L3MBTL4: variants seen among roughly 807,000 people sequenced by gnomAD.
The protein encoded by L3MBTL4 is lethal(3)malignant brain tumor-like protein 4.
Under a neutral mutation model 84.5 loss-of-function variants are expected in L3MBTL4, and 70 were observed. The ratio of observed to expected loss-of-function variants is 0.83; its 90% confidence interval spans 0.68 to 1.01. The LOEUF is 1.01. L3MBTL4 is among the 50% of genes least tolerant of loss of function. The pLI is 0.00. For synonymous variants in L3MBTL4, 274 were observed against 259.8 expected, an observed-to-expected ratio of 1.05 and a Z score of -0.52; for missense variants, 715 against 754.8, an observed-to-expected ratio of 0.95 and a Z score of 0.62.
chr18:6,347,811 T>G (rs560271543), intron 1 of L3MBTL4, among the ~76,000 whole-genome samples: 3 of 151,826 alleles, frequency 2.0e-5, no homozygotes, highest in African/African-American at 7.2e-5. Flanking sequence ...ATGTCCTAAC[T>G]AGTGTAATGA....
chr18:6,338,566 T>TA (rs916072388), intron 1 of L3MBTL4, among the ~76,000 whole-genome samples: 14 of 151,650 alleles, frequency 9.2e-5, no homozygotes, highest in African/African-American at 1.9e-4. Context: ...CAAAGGCCAG[T>TA]AAAAAAATAG....
intron 14 of L3MBTL4, among the ~76,000 whole-genome samples, chr18:6,112,169 A>G (rs192203778): frequency 6.6e-6 from 1 of 152,336 alleles, no homozygotes; most frequent in Non-Finnish European, 1.5e-5. Flanking sequence ...CTGCAAACGC[A>G]CACACACACG....
intron 12 of L3MBTL4, among the ~76,000 whole-genome samples, chr18:6,178,323 A>C (rs2044316665): frequency 1.3e-5 from 2 of 152,196 alleles, no homozygotes; most frequent in Non-Finnish European, 2.9e-5. Flanking sequence ...ATTTATAATC[A>C]AAATCTGTGC....
At chr18:6,158,979 C>T (rs944213880) in intron 13 of L3MBTL4, among the ~76,000 whole-genome samples, 1 of 152,174 alleles carries the variant, frequency 6.6e-6, no homozygotes, top group African/African-American at 2.4e-5. Flanking sequence ...AGGGATGTCT[C>T]TTTATGAAAA....
intron 1 of L3MBTL4, among the ~76,000 whole-genome samples, chr18:6,392,136 A>G (rs1011808561): frequency 2.0e-5 from 3 of 152,238 alleles, no homozygotes; most frequent in African/African-American, 7.2e-5. Flanking sequence ...ACAGCATGGT[A>G]CTGGTATAAA....
chr18:6,282,959 C>A (rs1156531020), intron 4 of L3MBTL4, among the ~76,000 whole-genome samples: 1 of 152,174 alleles, frequency 6.6e-6, no homozygotes, highest in Non-Finnish European at 1.5e-5. Context: ...CTCCAGGCAG[C>A]CCCTGAGGTC....
At chr18:6,237,133 G>A (rs911891008) in intron 10 of L3MBTL4, among the ~76,000 whole-genome samples, 3 of 152,004 alleles carry the variant, frequency 2.0e-5, no homozygotes, top group African/African-American at 7.2e-5. Flanking sequence ...TTTCTGTAAT[G>A]AAAAAAATAA....
intron 10 of L3MBTL4, among the ~76,000 whole-genome samples, chr18:6,232,175 G>T (rs1397387693): frequency 6.6e-6 from 1 of 151,960 alleles, no homozygotes; most frequent in East Asian, 1.9e-4. Context: ...TGTTGCCGTG[G>T]TATATTACAC....
intron 13 of L3MBTL4, among the ~76,000 whole-genome samples, chr18:6,151,727 A>G (rs990128644): frequency 6.6e-6 from 1 of 152,188 alleles, no homozygotes; most frequent in Non-Finnish European, 1.5e-5. Context: ...CAAAGATAAT[A>G]TATATTCAAG....
chr18:6,012,358 C>T (rs8083425), intron 16 of L3MBTL4, among the ~76,000 whole-genome samples: 10 of 151,818 alleles, frequency 6.6e-5, no homozygotes, highest in Non-Finnish European at 7.4e-5. Flanking sequence ...ACAAGCAAAT[C>T]GACAAAAAGG....
chr18:6,137,620 A>G (rs2060063134), intron 14 of L3MBTL4, among the ~76,000 whole-genome samples: 2 of 152,232 alleles, frequency 1.3e-5, no homozygotes, highest in African/African-American at 4.8e-5. Flanking sequence ...TAATTTATCT[A>G]TACATTATTT....
At chr18:6,032,972 T>C (rs1411002633) in intron 16 of L3MBTL4, among the ~76,000 whole-genome samples, 4 of 152,226 alleles carry the variant, frequency 2.6e-5, no homozygotes, top group African/African-American at 9.6e-5. Context: ...GAATGTTTCT[T>C]GTGCACTTAA....
intron 16 of L3MBTL4, among the ~76,000 whole-genome samples, chr18:5,996,990 A>AATGCATGAGACAAAT: frequency 2.6e-5 from 4 of 151,130 alleles, no homozygotes; most frequent in African/African-American, 9.9e-5. Flanking sequence ...GCATTTTAGA[A>AATGCATGAGACAAAT]GCACAATTGA....
At chr18:6,154,585 T>C (rs988806057) in intron 13 of L3MBTL4, among the ~76,000 whole-genome samples, 11 of 152,162 alleles carry the variant, frequency 7.2e-5, no homozygotes, top group Non-Finnish European at 8.8e-5. Flanking sequence ...AACAACCTGG[T>C]ATTTAAAAGT....
chr18:5,986,448 T>C (rs1448025143), intron 16 of L3MBTL4, among the ~76,000 whole-genome samples: 2 of 152,256 alleles, frequency 1.3e-5, no homozygotes, highest in East Asian at 3.8e-4. Context: ...TATACTTCAG[T>C]GTTTGCATGC....
chr18:6,342,613 A>G (rs1192429021), intron 1 of L3MBTL4, among the ~76,000 whole-genome samples: 1 of 152,132 alleles, frequency 6.6e-6, no homozygotes, highest in East Asian at 1.9e-4. Flanking sequence ...ATCAAAACAT[A>G]CTACCACAAA....
chr18:6,079,225 G>T lies in L3MBTL4; in HGVS notation c.1444+1656C>A, dbSNP rs373752764. On this transcript the variant is annotated intron_variant, in intron 16 of 18. Coordinates refer to ENST00000317931, the MANE Select transcript of L3MBTL4 (RefSeq NM_001330559.2). The stretch of plus-strand genomic sequence containing the variant: ...CAAAAGGCTAGACTAGAAAGCAGGC[G>T]TTAACCACAGCCTGCCAATTTTCAT... Among the ~76,000 whole-genome samples, 34 of 152,218 alleles carry T rather than the reference G, an allele frequency of 2.2e-4. 2 individuals are homozygous for T. In the South Asian group the frequency reaches 6.2e-3, roughly 28 times the overall value.
At chr18:6,339,253 T>C (rs2052492436) in intron 1 of L3MBTL4, among the ~76,000 whole-genome samples, 1 of 152,200 alleles carries the variant, frequency 6.6e-6, no homozygotes, top group Admixed American at 6.5e-5. Flanking sequence ...GTATGCTGGG[T>C]CATAAAGCAG....
At chr18:6,091,492 G>C (rs1400221799) in intron 15 of L3MBTL4, among the ~76,000 whole-genome samples, 1 of 152,228 alleles carries the variant, frequency 6.6e-6, no homozygotes, top group African/African-American at 2.4e-5. Context: ...GGATTTGGCA[G>C]AACAGGACAA....
Sources: allele counts gnomAD v4.1 joint callset (sites outside exome capture counted in the v4.1 genomes callset), GRCh38; gene constraint gnomAD v4.1.1; transcripts MANE v1.5; gene names NCBI Gene and HGNC (gene_info 2026-07-23, HGNC 2026-07-21).